Variants in PCDHGB2 observed in about 807,000 individuals in gnomAD.
PCDHGB2 encodes protocadherin gamma-B2.
In PCDHGB2, 55 loss-of-function variants were observed where a neutral mutation model predicts 59.3. The ratio of observed to expected loss-of-function variants is 0.93; its 90% CI spans 0.75 to 1.16. The LOEUF is 1.16. PCDHGB2 is among the 50% of genes most tolerant of loss of function. The probability of loss-of-function intolerance (pLI) is 0.00; values close to 1 mark genes in which losing one functional copy is unlikely to be tolerated. For synonymous variants in PCDHGB2, 516 were observed against 512.0 expected (o/e 1.01, Z -0.11); for missense variants, 1,228 against 1,198.5 (o/e 1.02, Z -0.36).
At position 141,376,680 on chromosome 5, in the gene PCDHGB2, T is replaced by G. The variant is rs554753091; in HGVS notation, c.2421+14124T>G. 2,414 of 666,784 alleles carry G rather than the reference T, an allele frequency of 3.6e-3. 9 individuals carry two copies. The highest frequency in any genetic ancestry group is 3.7e-3 in the Non-Finnish European group (1,658 of 442,514). 41.3% of individuals were successfully genotyped at this position (666,784 alleles called of 1,614,324 possible). A position where few individuals can be genotyped will look rare whatever the true frequency, so the allele number is the denominator to read the frequency against. ...CCTTGTTCAGGTGAGGGTATCGTTT[T>G]TTTTTTTTTTTTTTTTTGAGACGGA... On this transcript the variant is annotated intron_variant, in intron 1 of 3. Coordinates refer to ENST00000522605, the MANE Select transcript of PCDHGB2 (RefSeq NM_018923.3).
At chr5:141,370,557 G>C in intron 1 of PCDHGB2, 3 of 1,613,966 alleles carry the variant, frequency 1.9e-6, no homozygotes, top group Non-Finnish European at 2.5e-6. Flanking sequence ...CAAGGACCTG[G>C]GGTTTGGCGT....
At chr5:141,470,961 C>T (rs1447105252) in intron 1 of PCDHGB2, among the ~76,000 whole-genome samples, 1 of 152,036 alleles carries the variant, frequency 6.6e-6, no homozygotes, top group Non-Finnish European at 1.5e-5. Context: ...AAGTGATCCT[C>T]CCACCTCAGC....
intron 1 of PCDHGB2, among the ~76,000 whole-genome samples, chr5:141,400,831 C>CT (rs1457237248): frequency 1.3e-5 from 2 of 152,146 alleles, no homozygotes; most frequent in Admixed American, 6.5e-5. Flanking sequence ...TTGTCTCATT[C>CT]TTTAACATGT....
At chr5:141,393,023 T>C (rs372159245) in intron 1 of PCDHGB2, 52 of 1,613,550 alleles carry the variant, frequency 3.2e-5, no homozygotes, top group Non-Finnish European at 4.3e-5. Flanking sequence ...TCTCCAGAGG[T>C]AGGACGCAGC....
At chr5:141,408,373 T>C in intron 1 of PCDHGB2, 1 of 1,613,952 alleles carries the variant, frequency 6.2e-7, no homozygotes, top group Non-Finnish European at 8.5e-7. Flanking sequence ...TAGGGCTCAG[T>C]GTCCTGGATG....
intron 1 of PCDHGB2, chr5:141,370,168 C>T (rs890245618): frequency 2.2e-6 from 1 of 458,196 alleles, no homozygotes; most frequent in East Asian, 3.2e-5. Flanking sequence ...GCAGCAGAGG[C>T]GCCGGGTGCC....
chr5:141,388,809 G>A lies in PCDHGB2; in HGVS notation c.2421+26253G>A, dbSNP rs771582173. The A allele has an allele frequency of 1.2e-6, 2 of 1,613,930 alleles. No individual in the cohort carries two copies. Among genetic ancestry groups the A allele is most frequent in the Non-Finnish European group, 1.7e-6 (2 of 1,179,838 alleles). ...TGTTTTAAATACATTAGATTTTGAA[G>A]AAGTCAAAGAATATTCCATAGTTTT... is the stretch of plus-strand genomic sequence containing the variant. On this transcript the variant is annotated intron_variant, in intron 1 of 3. Transcript: ENST00000522605.
rs2099745754 is a variant in PCDHGB2 at position 141,493,023 on chromosome 5, T to A, written c.2422-1784T>A. Among the ~76,000 whole-genome samples the A allele has an allele frequency of 6.6e-6, 1 of 152,190 alleles. No individual in the cohort carries two copies. The highest frequency in any genetic ancestry group is 2.4e-5 in the African/African-American group (1 of 41,450). On this transcript the variant is annotated intron_variant, in intron 1 of 3. Coordinates refer to ENST00000522605, the MANE Select transcript of PCDHGB2 (RefSeq NM_018923.3). The surrounding 1 kb of genome is among the most constrained non-coding windows in gnomAD (Gnocchi z 4.3). ...CTATAGGCTCTGCCAGATGCCAGGGTGCCCTTATGTGTGAGGAAACTACAA... is the reference window on the plus strand; with the variant it reads ...CTATAGGCTCTGCCAGATGCCAGGGAGCCCTTATGTGTGAGGAAACTACAA...
intron 1 of PCDHGB2, chr5:141,371,856 T>C (rs758069791): frequency 1.9e-6 from 3 of 1,613,462 alleles, no homozygotes; most frequent in Admixed American, 3.3e-5. Context: ...TGGCCTTGTC[T>C]CCTACTACAT....
At chr5:141,420,370 T>A in intron 1 of PCDHGB2, 1 of 1,352,032 alleles carries the variant, frequency 7.4e-7, no homozygotes, top group South Asian at 1.8e-5. Flanking sequence ...GATAACTTCT[T>A]CATAGAGTTC....
intron 1 of PCDHGB2, chr5:141,372,091 C>T (rs767361394): frequency 1.2e-6 from 2 of 1,613,774 alleles, no homozygotes; most frequent in South Asian, 2.2e-5. Flanking sequence ...CTGTACCCAG[C>T]TCTGGGGCCC....
rs1312834351 is a variant in PCDHGB2, at chr5:141,360,960, A to C, written c.825A>C (p.Ala275=). ...TATDRDEGIN[A]EITYSFHNVD... ...CCGACCGGGATGAAGGCATAAACGC[A>C]GAGATCACCTACTCCTTTCATAATG... Residue 275 remains alanine (A), a synonymous_variant, in exon 1 of 4, where the codon GCA becomes GCC. Coordinates refer to ENST00000522605, the MANE Select transcript of PCDHGB2 (RefSeq NM_018923.3). 7.4e-6 allele frequency: 12 copies of C among 1,613,840 alleles called. No homozygotes were observed. Among genetic ancestry groups the C allele is most frequent in the Non-Finnish European group, 1.0e-5 (12 of 1,179,886 alleles).
intron 1 of PCDHGB2, chr5:141,378,481 C>A (rs975283855): frequency 6.6e-6 from 1 of 152,178 alleles, no homozygotes; most frequent in East Asian, 1.9e-4. Flanking sequence ...CAAGATCGTG[C>A]CACTGCACTC....
At position 141,361,146 on chromosome 5, in the gene PCDHGB2, T is replaced by C. The variant is rs1761903923; in HGVS notation, c.1011T>C (p.Ile337=). 1.2e-6 allele frequency: 2 copies of C among 1,613,968 alleles called. No homozygotes were observed. Among genetic ancestry groups the C allele is most frequent in the East Asian group, 4.5e-5 (2 of 44,884 alleles). Residue 337 remains isoleucine (I), a synonymous_variant, in exon 1 of 4, where the codon ATT becomes ATC. Coordinates refer to ENST00000522605, the MANE Select transcript of PCDHGB2 (RefSeq NM_018923.3). ...LAAHCSIQVE[I]LDDNDCAPEV... ...CCCACTGCAGTATCCAAGTTGAAAT[T>C]CTTGATGACAACGATTGTGCACCTG...
chr5:141,505,377 C>G lies in PCDHGB2; in HGVS notation c.2481-16C>G, dbSNP rs1368451336. 1.9e-6 allele frequency: 3 copies of G among 1,614,036 alleles called. No homozygotes were observed. In the East Asian group the frequency reaches 6.7e-5, roughly 36 times the overall value. On this transcript the variant is annotated splice_polypyrimidine_tract_variant and intron_variant, in intron 2 of 3. Coordinates refer to ENST00000522605, the MANE Select transcript of PCDHGB2 (RefSeq NM_018923.3). Reference sequence around the variant, plus strand: ...CGGCCTGGGAGTCTGTGCTCACCATCCTACTCTCTCCCCAGCTCCCAAAAT... The same window carrying G: ...CGGCCTGGGAGTCTGTGCTCACCATGCTACTCTCTCCCCAGCTCCCAAAAT...
intron 1 of PCDHGB2, chr5:141,372,047 G>C (rs1768347911): frequency 1.2e-6 from 2 of 1,613,408 alleles, no homozygotes; most frequent in Non-Finnish European, 1.7e-6. Context: ...TGCGCGTGTT[G>C]GTGGACGACC....
Position 141,477,809 on chromosome 5 carries a change from C to A in PCDHGB2, c.2422-16998C>A. 1 of 1,614,146 alleles carries A rather than the reference C, an allele frequency of 6.2e-7. No individual in the cohort carries two copies. Among genetic ancestry groups the A allele is most frequent in the Non-Finnish European group, 8.5e-7 (1 of 1,180,040 alleles). On this transcript the variant is annotated intron_variant, in intron 1 of 3. Coordinates refer to ENST00000522605, the MANE Select transcript of PCDHGB2 (RefSeq NM_018923.3). The surrounding 1 kb of genome is among the most constrained non-coding windows in gnomAD (Gnocchi z 4.9). ...TGTCACTGATCGCAATGACAATGCC[C>A]CCCAGGTCCTATATCCTCGGCCAGG...
chr5:141,457,337 TTAC>T (rs1446765287), intron 1 of PCDHGB2, among the ~76,000 whole-genome samples: 2 of 152,202 alleles, frequency 1.3e-5, no homozygotes, highest in Non-Finnish European at 2.9e-5. Flanking sequence ...GGTACCTTAC[TTAC>T]TTTCATTACC....
chr5:141,460,592 G>C (rs796171299), intron 1 of PCDHGB2, among the ~76,000 whole-genome samples: 12 of 151,976 alleles, frequency 7.9e-5, no homozygotes, highest in African/African-American at 2.9e-4. Flanking sequence ...GTTTTTTCTG[G>C]GCTCTCTGTG....
Sources: gnomAD v4.1 joint callset for allele counts (sites outside exome capture counted in the v4.1 genomes callset) on GRCh38, gnomAD v4.1.1 for gene constraint, Gnocchi (gnomAD v3.1) non-coding constraint, MANE v1.5 for transcripts, NCBI Gene and HGNC (gene_info 2026-07-23, HGNC 2026-07-21) for gene names.